XKR4: variants seen among roughly 807,000 people sequenced by gnomAD.
XKR4 encodes the protein XK-related protein 4.
In XKR4, 12 loss-of-function variants were observed where a neutral mutation model predicts 53.9. The observed-to-expected ratio is 0.22, with a 90% CI of 0.14 to 0.36. XKR4 has a LOEUF of 0.36. Among genes scored for constraint, XKR4 ranks in the 10% least tolerant of loss-of-function variants. The probability of loss-of-function intolerance (pLI) is 1.00; values close to 1 mark genes in which losing one functional copy is unlikely to be tolerated. For synonymous variants in XKR4, 354 were observed against 362.4 expected, an observed-to-expected ratio of 0.98 and a Z score of 0.26; for missense variants, 799 against 859.5, an observed-to-expected ratio of 0.93 and a Z score of 0.88.
rs528948481 is a variant in XKR4 at position 55,354,437 on chromosome 8, C to T, written c.807-3241C>T. 7.2e-5 allele frequency among the ~76,000 whole-genome samples: 11 copies of T among 152,108 alleles called. No homozygotes were observed. In the South Asian group the frequency reaches 1.0e-3, roughly 14 times the overall value. On this transcript the variant is annotated intron_variant, in intron 1 of 2. Transcript: ENST00000327381. ...CCAAACTGAGTAGGACAGGGACAAC[C>T]GCAAAAGATGAGAGAGAATGTCCAA...
chr8:55,123,143 C>T (rs1483857531), intron 1 of XKR4, among the ~76,000 whole-genome samples: 1 of 152,176 alleles, frequency 6.6e-6, no homozygotes, highest in Non-Finnish European at 1.5e-5. Flanking sequence ...ATGTGCTCCT[C>T]ATGGAAAGAG....
chr8:55,230,394 C>T lies in XKR4; in HGVS notation c.806+127100C>T, dbSNP rs138237440. The stretch of plus-strand genomic sequence containing the variant: ...TTTTTTTTTTTGAGACAGGGTTTCT[C>T]TCCCATCACCCAGCCTTGAGTGCAG... On this transcript the variant is annotated intron_variant, in intron 1 of 2. Transcript: ENST00000327381. Among the ~76,000 whole-genome samples, 885 of 124,800 alleles carry T rather than the reference C, an allele frequency of 7.1e-3. 27 individuals are homozygous for T. Among genetic ancestry groups the T allele is most frequent in the Admixed American group, 0.068 (779 of 11,444 alleles). 81.9% of individuals were successfully genotyped at this position (124,800 alleles called of 152,430 possible).
rs1806950385 is a variant in XKR4, at chr8:55,531,332, T to C, written c.*7105T>C. On this transcript the variant is annotated 3_prime_UTR_variant, in exon 3 of 3. Coordinates refer to ENST00000327381, the MANE Select transcript of XKR4 (RefSeq NM_052898.2). ...ACTGTAACACCATGGTAAGTACTTG[T>C]GTATTTAAATATAGAAAAGTTAACA... 1 of 152,194 alleles carries C rather than the reference T, an allele frequency of 6.6e-6. No homozygotes were observed. Among genetic ancestry groups the C allele is most frequent in the Non-Finnish European group, 1.5e-5 (1 of 68,034 alleles). 9.4% of individuals were successfully genotyped at this position (152,194 alleles called of 1,614,324 possible). A position where few individuals can be genotyped will look rare whatever the true frequency, so the allele number is the denominator to read the frequency against.
chr8:55,174,835 C>T (rs1817210163), intron 1 of XKR4, among the ~76,000 whole-genome samples: 1 of 152,292 alleles, frequency 6.6e-6, no homozygotes, highest in East Asian at 1.9e-4. Context: ...CCAGAAACAT[C>T]TCATGGAGCA....
chr8:55,431,145 G>C (rs1170871933), intron 2 of XKR4, among the ~76,000 whole-genome samples: 2 of 152,204 alleles, frequency 1.3e-5, no homozygotes, highest in African/African-American at 4.8e-5. Flanking sequence ...AAATGTAGTG[G>C]AAGTGGCTGG....
chr8:55,391,450 G>A (rs576548750), intron 2 of XKR4, among the ~76,000 whole-genome samples: 4 of 152,122 alleles, frequency 2.6e-5, no homozygotes, highest in Non-Finnish European at 5.9e-5. Flanking sequence ...AAAAGAGAAA[G>A]AAATCTGTGT....
rs545449533 is a variant in XKR4 at position 55,475,715 on chromosome 8, A to C, written c.1007-47566A>C. ...ACCTCCCACGTTCAAACAGTTCTCT[A>C]CCTCAGCCTCCCAAGTAGCTGGGAT... is the stretch of plus-strand genomic sequence containing the variant. On this transcript the variant is annotated intron_variant, in intron 2 of 2. Transcript: ENST00000327381. 7.3e-5 allele frequency among the ~76,000 whole-genome samples: 11 copies of C among 151,668 alleles called. No homozygotes were observed. In the South Asian group the frequency reaches 1.9e-3, roughly 26 times the overall value.
chr8:55,289,476 T>C (rs1045916602), intron 1 of XKR4, among the ~76,000 whole-genome samples: 4 of 147,092 alleles, frequency 2.7e-5, no homozygotes, highest in Non-Finnish European at 6.0e-5. Flanking sequence ...GATAGTGCCA[T>C]TGCCTTCCAG....
At chr8:55,212,470 G>A (rs1463165180) in intron 1 of XKR4, among the ~76,000 whole-genome samples, 3 of 152,164 alleles carry the variant, frequency 2.0e-5, no homozygotes, top group African/African-American at 7.2e-5. Context: ...GTCTTAAGGT[G>A]TCTGTGTTAA....
chr8:55,453,814 A>C, intron 2 of XKR4: 1 of 466,212 alleles, frequency 2.1e-6, no homozygotes, highest in Non-Finnish European at 4.1e-6. Context: ...GGTGGTTCTC[A>C]TCCACCCACC....
At chr8:55,358,753 C>G (rs560092466) in intron 2 of XKR4, among the ~76,000 whole-genome samples, 1 of 152,190 alleles carries the variant, frequency 6.6e-6, no homozygotes, top group African/African-American at 2.4e-5. Flanking sequence ...GTAAGGTGCT[C>G]GTTTTGTTTG....
intron 1 of XKR4, among the ~76,000 whole-genome samples, chr8:55,174,483 C>T (rs2129358922): frequency 6.6e-6 from 1 of 152,206 alleles, no homozygotes; most frequent in East Asian, 1.9e-4. Context: ...TCCGGGGCTT[C>T]ACAAAGTGCT....
chr8:55,418,781 A>T (rs1050889733), intron 2 of XKR4, among the ~76,000 whole-genome samples: 4 of 151,846 alleles, frequency 2.6e-5, no homozygotes, highest in African/African-American at 9.7e-5. Context: ...CCTTCCTGAC[A>T]CCTGTCCAGC....
intron 2 of XKR4, among the ~76,000 whole-genome samples, chr8:55,457,208 T>G (rs1302902817): frequency 6.7e-6 from 1 of 148,792 alleles, no homozygotes; most frequent in African/African-American, 2.5e-5. Flanking sequence ...AGTGGCACGA[T>G]CTCTGCTCAT....
chr8:55,326,138 A>G (rs77996618), intron 1 of XKR4, among the ~76,000 whole-genome samples: 1 of 152,192 alleles, frequency 6.6e-6, no homozygotes, highest in Admixed American at 6.5e-5. Flanking sequence ...GGTATTTTGG[A>G]AGATAAATAC....
rs549604686 is a variant in XKR4 at position 55,186,489 on chromosome 8, A to G, written c.806+83195A>G. Reference sequence around the variant, plus strand: ...GCTAACATGGTGAAACCCCGTCTCTACTAAAAATAAAAAAAAAATAGCCGG... The same window carrying G: ...GCTAACATGGTGAAACCCCGTCTCTGCTAAAAATAAAAAAAAAATAGCCGG... On this transcript the variant is annotated intron_variant, in intron 1 of 2. Coordinates refer to ENST00000327381, the MANE Select transcript of XKR4 (RefSeq NM_052898.2). Among the ~76,000 whole-genome samples, 393 of 151,984 alleles carry G rather than the reference A, an allele frequency of 2.6e-3. 1 individual carries two copies. The highest frequency in any genetic ancestry group is 4.3e-3 in the Non-Finnish European group (291 of 67,954).
intron 1 of XKR4, among the ~76,000 whole-genome samples, chr8:55,262,979 G>A (rs912923040): frequency 8.5e-5 from 13 of 152,134 alleles, no homozygotes; most frequent in African/African-American, 3.1e-4. Flanking sequence ...ACCTTCCCAA[G>A]TCTCTCACTT....
intron 1 of XKR4, among the ~76,000 whole-genome samples, chr8:55,169,863 G>A (rs929573129): frequency 1.3e-5 from 2 of 152,194 alleles, no homozygotes; most frequent in African/African-American, 4.8e-5. Context: ...GAGTCATCGT[G>A]TGCAAGGAAT....
chr8:55,501,535 T>C (rs563481527), intron 2 of XKR4, among the ~76,000 whole-genome samples: 150 of 152,304 alleles, frequency 9.8e-4, no homozygotes, highest in Non-Finnish European at 1.3e-3. Flanking sequence ...AGGTGCCTCA[T>C]AGAAGTGGAA....
Sources: gnomAD v4.1 joint callset for allele counts (sites outside exome capture counted in the v4.1 genomes callset) on GRCh38, gnomAD v4.1.1 for gene constraint, MANE v1.5 for transcripts, NCBI Gene and HGNC (gene_info 2026-07-23, HGNC 2026-07-21) for gene names.